WWP1: variants seen among roughly 807,000 people sequenced by gnomAD.
WWP1 encodes the protein NEDD4-like E3 ubiquitin-protein ligase WWP1.
A neutral mutation model predicts 130.6 loss-of-function variants in WWP1; 49 were observed. The observed-to-expected ratio is 0.38, with a 90% CI of 0.30 to 0.48. The LOEUF (loss-of-function observed/expected upper bound fraction) is 0.48, where lower values mean the gene tolerates loss of function less well. WWP1 is among the 20% of genes least tolerant of loss of function. The pLI is 0.99. For missense variants in WWP1, 809 were observed against 1,100.6 expected, an observed-to-expected ratio of 0.74 and a Z score of 3.75; for synonymous variants, 332 against 367.8, an observed-to-expected ratio of 0.90 and a Z score of 1.11.
chr8:86,432,516 T>A (rs1230718037), intron 14 of WWP1, among the ~76,000 whole-genome samples: 3 of 148,562 alleles, frequency 2.0e-5, no homozygotes, highest in Non-Finnish European at 4.4e-5. Context: ...ATTATTCTTA[T>A]CAGCTGTTAT....
rs774682145 is a variant in WWP1, at chr8:86,380,766, A to T, written c.111A>T (p.Gly37=). The T allele has an allele frequency of 8.1e-6, 13 of 1,612,358 alleles. No individual in the cohort carries two copies. Among genetic ancestry groups the T allele is most frequent in the Non-Finnish European group, 1.1e-5 (13 of 1,179,420 alleles). ...AKLKRKKNWF[G]TAIYTEVVVD... is the part of the protein sequence containing the mutation. ...TTAAAAGAAAAAAGAACTGGTTCGGAACAGCAATATATACAGAAGTAGTTG... is the reference window on the plus strand; with the variant it reads ...TTAAAAGAAAAAAGAACTGGTTCGGTACAGCAATATATACAGAAGTAGTTG... The change falls in exon 4 of 25, where the codon GGA becomes GGT. Residue 37 remains glycine (G), a synonymous_variant. Transcript: ENST00000517970.
At chr8:86,461,914 A>G in intron 24 of WWP1, 68 bp downstream of exon 24, 1 of 1,323,884 alleles carries the variant, frequency 7.6e-7, no homozygotes, top group Non-Finnish European at 1.1e-6. Context: ...TTTTTTAAAA[A>G]TATGTAAGAT....
intron 5 of WWP1, among the ~76,000 whole-genome samples, chr8:86,382,201 A>C (rs940459103): frequency 2.6e-5 from 4 of 152,168 alleles, no homozygotes; most frequent in Non-Finnish European, 4.4e-5. Context: ...TCTGCTTTCT[A>C]GAAATTTAAC....
intron 9 of WWP1, among the ~76,000 whole-genome samples, chr8:86,418,024 T>A (rs542458885): frequency 6.6e-6 from 1 of 152,326 alleles, no homozygotes; most frequent in Admixed American, 6.5e-5. Context: ...ATGAAGAGGC[T>A]AGAGAGCAGC....
chr8:86,460,458 G>C (rs775888094), intron 22 of WWP1, among the ~76,000 whole-genome samples: 1 of 152,166 alleles, frequency 6.6e-6, no homozygotes, highest in African/African-American at 2.4e-5. Context: ...CAGTGGGGAT[G>C]CTAATGATTC....
At chr8:86,454,936 TACAG>T (rs1385871894) in intron 21 of WWP1, among the ~76,000 whole-genome samples, 2 of 152,046 alleles carry the variant, frequency 1.3e-5, no homozygotes, top group African/African-American at 4.8e-5. Flanking sequence ...TGTGAGAAAA[TACAG>T]ATTTTGTCTT....
Position 86,448,267 on chromosome 8 carries a change from C to G in WWP1, c.2118C>G (p.Ser706=). The change falls in exon 19 of 25, where the codon TCC becomes TCG. Residue 706 remains serine (S), a synonymous_variant. Coordinates refer to ENST00000517970, the MANE Select transcript of WWP1 (RefSeq NM_007013.4). Reference sequence around the variant, plus strand: ...CTATTGATACTGAATTTTATAACTCCCTTATCTGGATAAGGTTTGAAGATT... The same window carrying G: ...CTATTGATACTGAATTTTATAACTCGCTTATCTGGATAAGGTTTGAAGATT... ...LESIDTEFYN[S]LIWIRDNNIE... is the part of the protein sequence containing the mutation. 1 of 1,583,004 alleles carries G rather than the reference C, an allele frequency of 6.3e-7. No individual in the cohort carries two copies. Among genetic ancestry groups the G allele is most frequent in the Non-Finnish European group, 8.5e-7 (1 of 1,171,806 alleles).
At chr8:86,344,733 C>T (rs1472777366) in intron 1 of WWP1, among the ~76,000 whole-genome samples, 1 of 151,750 alleles carries the variant, frequency 6.6e-6, no homozygotes, top group Non-Finnish European at 1.5e-5. Flanking sequence ...TTTGGATAGG[C>T]AGGAAAGGTA....
chr8:86,362,212 T>A (rs1823709289), intron 1 of WWP1, among the ~76,000 whole-genome samples: 2 of 115,338 alleles, frequency 1.7e-5, no homozygotes, highest in Admixed American at 1.9e-4. Flanking sequence ...ACTGGAAAAC[T>A]TCATTCAAAA....
At chr8:86,463,640 T>C (rs1463107970) in intron 24 of WWP1, among the ~76,000 whole-genome samples, 1 of 152,056 alleles carries the variant, frequency 6.6e-6, no homozygotes, top group African/African-American at 2.4e-5. Flanking sequence ...GATTTTTTTT[T>C]CTATTATATA....
intron 3 of WWP1, 101 bp from the exon 4 acceptor site, chr8:86,380,625 T>A (rs1413805590): frequency 7.7e-7 from 1 of 1,303,178 alleles, no homozygotes; most frequent in African/African-American, 1.5e-5. Context: ...CGAGAAGAGT[T>A]CTAGTTGCAC....
chr8:86,407,186 T>G (rs1391698363), intron 8 of WWP1, among the ~76,000 whole-genome samples: 6 of 152,206 alleles, frequency 3.9e-5, no homozygotes, highest in Non-Finnish European at 7.3e-5. Context: ...ATTTTAATTT[T>G]TTGCCCCGTG....
At chr8:86,345,298 T>C (rs1350338997) in intron 1 of WWP1, among the ~76,000 whole-genome samples, 1 of 152,214 alleles carries the variant, frequency 6.6e-6, no homozygotes, top group African/African-American at 2.4e-5. Flanking sequence ...CTTGGTAAAA[T>C]GCTGGCCTGG....
At chr8:86,455,882 T>C (rs1377714336) in intron 21 of WWP1, among the ~76,000 whole-genome samples, 1 of 151,936 alleles carries the variant, frequency 6.6e-6, no homozygotes, top group Non-Finnish European at 1.5e-5. Context: ...AACACCATAG[T>C]AAATAAGATA....
At chr8:86,441,132 T>G (rs13273338) in intron 17 of WWP1, among the ~76,000 whole-genome samples, 41,071 of 152,126 alleles carry the variant, frequency 0.27, 6,405 homozygotes, top group East Asian at 0.54. Flanking sequence ...TTGAATTGAT[T>G]GAGTTTTCTC....
chr8:86,365,513 G>A (rs1352023173), intron 1 of WWP1, among the ~76,000 whole-genome samples: 2 of 152,306 alleles, frequency 1.3e-5, no homozygotes, highest in East Asian at 3.9e-4. Context: ...GATATTGCAA[G>A]TACTCTTCAA....
chr8:86,434,415 C>T (rs556570908), intron 14 of WWP1, among the ~76,000 whole-genome samples: 58 of 152,236 alleles, frequency 3.8e-4, no homozygotes, highest in South Asian at 1.7e-3. Flanking sequence ...GCCTTTATTC[C>T]GTCTGCCTGG....
intron 5 of WWP1, among the ~76,000 whole-genome samples, chr8:86,391,363 A>G (rs1255507882): frequency 6.6e-6 from 1 of 152,222 alleles, no homozygotes; most frequent in Non-Finnish European, 1.5e-5. Flanking sequence ...GGTCAGTTGA[A>G]CAACATTCCA....
At chr8:86,354,978 G>T (rs1483105543) in intron 1 of WWP1, among the ~76,000 whole-genome samples, 1 of 151,928 alleles carries the variant, frequency 6.6e-6, no homozygotes, top group Non-Finnish European at 1.5e-5. Context: ...TATTAATTTG[G>T]TGTTATTATC....
Sources: allele counts gnomAD v4.1 joint callset (sites outside exome capture counted in the v4.1 genomes callset), GRCh38; gene constraint gnomAD v4.1.1; transcripts MANE v1.5; gene names NCBI Gene and HGNC (gene_info 2026-07-23, HGNC 2026-07-21).